Variants in YAP1 observed in about 807,000 individuals in gnomAD.
YAP1 encodes the protein transcriptional coactivator YAP1.
Under a neutral mutation model 56.9 loss-of-function variants are expected in YAP1, and 5 were observed. The ratio of observed to expected loss-of-function variants is 0.09; its 90% confidence interval spans 0.05 to 0.18. The LOEUF is 0.18. Ranked by LOEUF, YAP1 falls within the 10% of genes least tolerant of loss-of-function variation. The pLI, the probability that YAP1 is intolerant of heterozygous loss-of-function variation, is 1.00. For synonymous variants in YAP1, 265 were observed against 248.1 expected (o/e 1.07, Z -0.64); for missense variants, 539 against 651.8 (o/e 0.83, Z 1.88).
At chr11:102,145,080 T>C (rs1945253997) in intron 2 of YAP1, among the ~76,000 whole-genome samples, 1 of 152,232 alleles carries the variant, frequency 6.6e-6, no homozygotes, top group South Asian at 2.1e-4. Flanking sequence ...GGCTGTCATT[T>C]AATGCCTCTT....
intron 4 of YAP1, chr11:102,186,449 T>G: frequency 3.3e-6 from 1 of 306,590 alleles, no homozygotes. Context: ...TTTTTTTAGC[T>G]GCAATAATAA....
intron 2 of YAP1, among the ~76,000 whole-genome samples, chr11:102,148,540 C>T (rs1945452718): frequency 6.6e-6 from 1 of 152,052 alleles, no homozygotes; most frequent in Non-Finnish European, 1.5e-5. Flanking sequence ...CATTAATGTG[C>T]CTAGTTTAAG....
chr11:102,118,226 A>G (rs1486908794), intron 2 of YAP1, among the ~76,000 whole-genome samples: 1 of 152,114 alleles, frequency 6.6e-6, no homozygotes, highest in Non-Finnish European at 1.5e-5. Context: ...TTTCATTTCC[A>G]TTGTTTATCA....
intron 2 of YAP1, among the ~76,000 whole-genome samples, chr11:102,146,435 A>G (rs980722300): frequency 1.3e-5 from 2 of 152,166 alleles, no homozygotes; most frequent in African/African-American, 4.8e-5. Context: ...TTGTATATTC[A>G]TGCATGCATT....
intron 4 of YAP1, among the ~76,000 whole-genome samples, chr11:102,195,713 A>G (rs1057040981): frequency 3.2e-4 from 49 of 152,162 alleles, no homozygotes; most frequent in African/African-American, 1.1e-3. Flanking sequence ...CCCTTTTGCA[A>G]TGATTGTAAG....
chr11:102,182,668 C>T (rs1041863890), intron 3 of YAP1, among the ~76,000 whole-genome samples: 2 of 152,146 alleles, frequency 1.3e-5, no homozygotes, highest in African/African-American at 2.4e-5. Context: ...TTTCAGTTTT[C>T]TCTATCTTAA....
intron 3 of YAP1, among the ~76,000 whole-genome samples, chr11:102,162,891 A>G (rs1333988852): frequency 1.3e-5 from 2 of 151,908 alleles, no homozygotes; most frequent in African/African-American, 2.4e-5. Context: ...CTTGTGTCTC[A>G]GGTATTTGAG....
chr11:102,195,664 T>C (rs542121934), intron 4 of YAP1, among the ~76,000 whole-genome samples: 1 of 152,066 alleles, frequency 6.6e-6, no homozygotes, highest in Non-Finnish European at 1.5e-5. Context: ...CTGATTCTTC[T>C]CTCTCCTGCT....
chr11:102,139,228 TAA>T (rs11300137), intron 2 of YAP1, among the ~76,000 whole-genome samples: 87 of 147,360 alleles, frequency 5.9e-4, no homozygotes, highest in Admixed American at 1.0e-3. Flanking sequence ...TCTCTTGACT[TAA>T]AAAAAAAAAA....
intron 6 of YAP1, among the ~76,000 whole-genome samples, chr11:102,211,007 A>G (rs143374897): frequency 0.014 from 2,094 of 152,224 alleles, 37 homozygotes; most frequent in African/African-American, 0.046. Flanking sequence ...CGCCCACCTC[A>G]GCCTCCCAAA....
intron 1 of YAP1, among the ~76,000 whole-genome samples, chr11:102,111,740 ATTG>A (rs1172521165): frequency 6.6e-6 from 1 of 151,980 alleles, no homozygotes; most frequent in African/African-American, 2.4e-5. Flanking sequence ...GAGTCAAATA[ATTG>A]TTCTCTTGTT....
chr11:102,210,902 G>A (rs1177807357), intron 6 of YAP1, among the ~76,000 whole-genome samples: 1 of 151,982 alleles, frequency 6.6e-6, no homozygotes, highest in African/African-American at 2.4e-5. Flanking sequence ...ACAGGCGCCC[G>A]CCACCATGCC....
At chr11:102,118,249 C>G (rs1252676719) in intron 2 of YAP1, among the ~76,000 whole-genome samples, 1 of 152,136 alleles carries the variant, frequency 6.6e-6, no homozygotes, top group African/African-American at 2.4e-5. Context: ...TTCTGAATAA[C>G]TGGCCACAAT....
intron 6 of YAP1, among the ~76,000 whole-genome samples, chr11:102,211,709 T>A (rs1949411240): frequency 6.6e-6 from 1 of 151,960 alleles, no homozygotes. Flanking sequence ...TGTCTTTTCT[T>A]CTTTTTTTTT....
Position 102,114,192 on chromosome 11 carries a change from C to G in YAP1, c.370C>G (p.Arg124Gly). The G allele has an allele frequency of 6.2e-7, 1 of 1,613,994 alleles. No homozygotes were observed. The change falls in exon 2 of 9, where the codon CGA becomes GGA. Residue 124 changes from arginine to glycine, a missense_variant. By Grantham distance (125) the Arg-to-Gly change is moderately radical. Coordinates refer to ENST00000282441, the MANE Select transcript of YAP1 (RefSeq NM_001130145.3). ...TAGALTPQHVRAHSSPASLQL... is the reference protein window; with the variant it reads ...TAGALTPQHVGAHSSPASLQL... ...AGGAGCCCTGACTCCACAGCATGTT[C>G]GAGCTCATTCCTCTCCAGCTTCTCT... is the stretch of plus-strand genomic sequence containing the variant.
intron 4 of YAP1, among the ~76,000 whole-genome samples, chr11:102,196,056 G>T (rs1301634802): frequency 6.6e-6 from 1 of 152,186 alleles, no homozygotes; most frequent in African/African-American, 2.4e-5. Flanking sequence ...TGTCCAGAAT[G>T]TGGAGAAATT....
rs1950433658 is a variant in YAP1 at position 102,231,488 on chromosome 11, TGTATATTG to T, written c.*1552_*1559del. ...CTGGAAAAGTGATCAGATTAATAAA[TGTATATTG>T]GTAGTTGAATTTAGCAAAGAAATAG... On this transcript the variant is annotated 3_prime_UTR_variant, in exon 9 of 9. Transcript: ENST00000282441. 1 of 152,634 alleles carries T rather than the reference TGTATATTG, an allele frequency of 6.6e-6. No individual in the cohort carries two copies. Among genetic ancestry groups the T allele is most frequent in the Non-Finnish European group, 1.5e-5 (1 of 68,032 alleles). The allele number at this position is 152,634 out of a possible 1,614,324, so 9.5% of individuals were successfully genotyped here.
At chr11:102,217,614 A>G (rs886171905) in intron 6 of YAP1, among the ~76,000 whole-genome samples, 11 of 152,236 alleles carry the variant, frequency 7.2e-5, no homozygotes, top group African/African-American at 2.2e-4. Context: ...ATAATCTACA[A>G]TGACAAAAAG....
intron 2 of YAP1, among the ~76,000 whole-genome samples, chr11:102,137,561 G>A (rs4442513): frequency 0.5 from 76,678 of 152,092 alleles, 21,165 homozygotes; most frequent in South Asian, 0.67. Flanking sequence ...TTGAGAAAAA[G>A]ACAACATATA....
Sources: gnomAD v4.1 joint callset for allele counts (sites outside exome capture counted in the v4.1 genomes callset) on GRCh38, gnomAD v4.1.1 for gene constraint, MANE v1.5 for transcripts, NCBI Gene and HGNC (gene_info 2026-07-23, HGNC 2026-07-21) for gene names.